The following RABGAP1L variants were observed in gnomAD, a reference collection of about 807,000 sequenced individuals.
RABGAP1L encodes the protein RAB GTPase activating protein 1 like.
RABGAP1L carries 63 observed loss-of-function variants against 137.7 expected under a neutral mutation model. The ratio of observed to expected loss-of-function variants is 0.46; its 90% confidence interval spans 0.37 to 0.56. The LOEUF is 0.56. RABGAP1L is among the 20% of genes least tolerant of loss of function. The pLI, the probability that RABGAP1L is intolerant of heterozygous loss-of-function variation, is 0.00. For synonymous variants in RABGAP1L, 431 were observed against 433.7 expected (o/e 0.99, Z 0.08); for missense variants, 1,095 against 1,244.0 (o/e 0.88, Z 1.80).
At chr1:174,516,120 TACACACACACACACACACAC>T (rs61414923) in intron 13 of RABGAP1L, among the ~76,000 whole-genome samples, 4 of 133,306 alleles carry the variant, frequency 3.0e-5, no homozygotes, top group South Asian at 5.0e-4. Flanking sequence ...ACTGAAGCTC[TACACACACACACACACACAC>T]ACACACACAC....
At chr1:174,842,325 C>G (rs1318960149) in intron 19 of RABGAP1L, among the ~76,000 whole-genome samples, 1 of 152,168 alleles carries the variant, frequency 6.6e-6, no homozygotes, top group Non-Finnish European at 1.5e-5. Flanking sequence ...ACCCACAGTA[C>G]ACACATTTTC....
chr1:174,356,401 A>G (rs77769828), intron 11 of RABGAP1L, among the ~76,000 whole-genome samples: 8 of 151,920 alleles, frequency 5.3e-5, no homozygotes, highest in African/African-American at 1.9e-4. Flanking sequence ...TTAAAAAAAG[A>G]AAAAAAATGA....
At position 174,448,106 on chromosome 1, in the gene RABGAP1L, C is replaced by G. The variant is rs759026490; in HGVS notation, c.1710+53961C>G. ...AAGTCTGCAGGTGTCTTTAAATTTC[C>G]AAGCCATGAATGAATCCAGGTGGAC... On this transcript the variant is annotated intron_variant, in intron 13 of 25. Coordinates refer to ENST00000681986, the MANE Select transcript of RABGAP1L (RefSeq NM_001366446.1). The surrounding 1 kb of genome is among the most constrained non-coding windows in gnomAD (Gnocchi z 4.2). The G allele has an allele frequency of 2.1e-5, 33 of 1,603,160 alleles. No individual in the cohort carries two copies. The highest frequency in any genetic ancestry group is 2.8e-5 in the Non-Finnish European group (33 of 1,173,948).
At chr1:174,205,677 C>T (rs765787966) in intron 1 of RABGAP1L, among the ~76,000 whole-genome samples, 1 of 152,002 alleles carries the variant, frequency 6.6e-6, no homozygotes, top group East Asian at 1.9e-4. Context: ...CTTTATTACT[C>T]TAGCTAGTGG....
chr1:174,194,534 G>A (rs1019884614), intron 1 of RABGAP1L, among the ~76,000 whole-genome samples: 1 of 152,044 alleles, frequency 6.6e-6, no homozygotes, highest in Non-Finnish European at 1.5e-5. Context: ...GTGCCCGGCC[G>A]GCTTCAGTTA....
At chr1:174,648,975 G>T (rs1256605124) in intron 14 of RABGAP1L, among the ~76,000 whole-genome samples, 1 of 151,904 alleles carries the variant, frequency 6.6e-6, no homozygotes, top group Admixed American at 6.6e-5. Flanking sequence ...TGACTTTTTT[G>T]ATCTTTGTTG....
chr1:174,502,719 C>T (rs559237538), intron 13 of RABGAP1L, among the ~76,000 whole-genome samples: 443 of 148,934 alleles, frequency 3.0e-3, no homozygotes, highest in Middle Eastern at 0.029. Flanking sequence ...CATATATATA[C>T]ACACACACAC....
chr1:174,658,868 C>G (rs1298994324), intron 14 of RABGAP1L, among the ~76,000 whole-genome samples: 1 of 152,100 alleles, frequency 6.6e-6, no homozygotes, highest in Non-Finnish European at 1.5e-5. Context: ...TATGTTAGAC[C>G]TAAATCAGTA....
intron 13 of RABGAP1L, among the ~76,000 whole-genome samples, chr1:174,485,779 A>T (rs921160960): frequency 3.3e-5 from 5 of 152,160 alleles, no homozygotes; most frequent in African/African-American, 1.2e-4. Flanking sequence ...ATATTCATCA[A>T]TGATATTGGC....
intron 13 of RABGAP1L, among the ~76,000 whole-genome samples, chr1:174,596,894 G>T (rs775147580): frequency 6.6e-6 from 1 of 151,940 alleles, no homozygotes; most frequent in South Asian, 2.1e-4. Flanking sequence ...TCTCTATCCA[G>T]TTTTTTTAGG....
intron 1 of RABGAP1L, among the ~76,000 whole-genome samples, chr1:174,188,916 G>C (rs1667006726): frequency 6.6e-6 from 1 of 152,194 alleles, no homozygotes; most frequent in South Asian, 2.1e-4. Context: ...GTCACCAGTT[G>C]TGTTAGCCTC....
intron 20 of RABGAP1L, among the ~76,000 whole-genome samples, chr1:174,967,114 C>T (rs1217706941): frequency 6.6e-6 from 1 of 151,406 alleles, no homozygotes; most frequent in Non-Finnish European, 1.5e-5. Context: ...GTTTTTTTCC[C>T]CCCTACAAGG....
intron 17 of RABGAP1L, among the ~76,000 whole-genome samples, chr1:174,723,045 A>G (rs1017447447): frequency 1.3e-5 from 2 of 152,086 alleles, no homozygotes; most frequent in African/African-American, 2.4e-5. Flanking sequence ...AGACTCTTGC[A>G]TTATGTTGAC....
Position 174,817,432 on chromosome 1 carries a change from A to G in RABGAP1L, c.2340+5472A>G, listed in dbSNP as rs376650842. ...AGGGAGAAGGATGTTTCATGCAGACAATATGCAGAAGCCCATAGGTAAAAA... is the reference window on the plus strand; with the variant it reads ...AGGGAGAAGGATGTTTCATGCAGACGATATGCAGAAGCCCATAGGTAAAAA... On this transcript the variant is annotated intron_variant, in intron 19 of 25. Transcript: ENST00000681986. 6.8e-4 allele frequency among the ~76,000 whole-genome samples: 104 copies of G among 152,324 alleles called. 1 individual carries two copies. Among genetic ancestry groups the G allele is most frequent in the Non-Finnish European group, 1.2e-4 (8 of 68,032 alleles).
rs1662092093 is a variant in RABGAP1L at position 174,923,099 on chromosome 1, A to T, written c.2341-34358A>T. Among the ~76,000 whole-genome samples, 5 of 151,752 alleles carry T rather than the reference A, an allele frequency of 3.3e-5. 1 individual carries two copies. In the South Asian group the frequency reaches 8.3e-4, roughly 25 times the overall value. On this transcript the variant is annotated intron_variant, in intron 19 of 25. Coordinates refer to ENST00000681986, the MANE Select transcript of RABGAP1L (RefSeq NM_001366446.1). ...GGAGATTGAGGCTGCAGAACTACGGACACATCACTGTACTCCAGATTGTGT... is the reference window on the plus strand; with the variant it reads ...GGAGATTGAGGCTGCAGAACTACGGTCACATCACTGTACTCCAGATTGTGT...
At chr1:174,489,472 C>G (rs1333918063) in intron 13 of RABGAP1L, among the ~76,000 whole-genome samples, 2 of 152,074 alleles carry the variant, frequency 1.3e-5, no homozygotes, top group Non-Finnish European at 2.9e-5. Flanking sequence ...ATCAAAACCA[C>G]AATGAGATAC....
At chr1:174,281,931 C>T (rs898996287) in intron 10 of RABGAP1L, among the ~76,000 whole-genome samples, 2 of 152,202 alleles carry the variant, frequency 1.3e-5, no homozygotes, top group Non-Finnish European at 2.9e-5. Context: ...TAACTGGAAT[C>T]ATATGCTTCT....
chr1:174,597,239 G>A (rs1670016522), intron 13 of RABGAP1L, among the ~76,000 whole-genome samples: 1 of 152,124 alleles, frequency 6.6e-6, no homozygotes, highest in Non-Finnish European at 1.5e-5. Context: ...CATAGAATGA[G>A]TTTGGAAGTA....
intron 11 of RABGAP1L, among the ~76,000 whole-genome samples, chr1:174,320,441 A>G (rs1679851986): frequency 6.6e-6 from 1 of 152,092 alleles, no homozygotes; most frequent in South Asian, 2.1e-4. Context: ...CTGAGTAGCA[A>G]TCTGTTGTAT....
Sources: gnomAD v4.1 joint callset for allele counts (sites outside exome capture counted in the v4.1 genomes callset) on GRCh38, gnomAD v4.1.1 for gene constraint, Gnocchi (gnomAD v3.1) non-coding constraint, MANE v1.5 for transcripts, NCBI Gene and HGNC (gene_info 2026-07-23, HGNC 2026-07-21) for gene names.